The following STK32A variants were observed in gnomAD, a reference collection of about 807,000 sequenced individuals.
The protein encoded by STK32A is serine/threonine kinase 32A, also known as serine/threonine-protein kinase 32A.
A neutral mutation model predicts 53.2 loss-of-function variants in STK32A; 41 were observed. The ratio of observed to expected loss-of-function variants is 0.77; its 90% CI spans 0.60 to 1.00. The LOEUF is 1.00. STK32A is among the 50% of genes least tolerant of loss of function. The pLI is 0.00. For synonymous variants in STK32A, 166 were observed against 162.8 expected (o/e 1.02, Z -0.15); for missense variants, 458 against 485.8 (o/e 0.94, Z 0.54).
At chr5:147,248,289 A>T (rs1561666443) in intron 2 of STK32A, among the ~76,000 whole-genome samples, 1 of 152,116 alleles carries the variant, frequency 6.6e-6, no homozygotes, top group Non-Finnish European at 1.5e-5. Context: ...ATCCCCTCAT[A>T]ATACCCTGGC....
intron 2 of STK32A, among the ~76,000 whole-genome samples, chr5:147,242,868 T>C (rs1164141385): frequency 4.6e-5 from 7 of 152,184 alleles, no homozygotes; most frequent in African/African-American, 1.7e-4. Context: ...TAAATCTGGA[T>C]TGAGCACAAG....
At chr5:147,280,909 T>C (rs1752035231) in intron 4 of STK32A, among the ~76,000 whole-genome samples, 1 of 152,136 alleles carries the variant, frequency 6.6e-6, no homozygotes, top group Non-Finnish European at 1.5e-5. Context: ...TCCACCAGAA[T>C]AGGCACTGGT....
chr5:147,285,779 AAATC>A (rs1269973661), intron 4 of STK32A, among the ~76,000 whole-genome samples: 1 of 152,048 alleles, frequency 6.6e-6, no homozygotes, highest in Non-Finnish European at 1.5e-5. Context: ...AATAAAAAAA[AAATC>A]AAAAAACAGC....
intron 5 of STK32A, among the ~76,000 whole-genome samples, chr5:147,337,487 C>G (rs1755193598): frequency 6.6e-6 from 1 of 152,012 alleles, no homozygotes; most frequent in South Asian, 2.1e-4. Context: ...GGTTGTTTTG[C>G]TTTGTTTTGT....
At chr5:147,360,409 T>C (rs376088374) in intron 7 of STK32A, among the ~76,000 whole-genome samples, 2 of 124,972 alleles carry the variant, frequency 1.6e-5, no homozygotes, top group Admixed American at 1.1e-4. Context: ...CATGATTGTA[T>C]CACTGCAATC....
intron 2 of STK32A, among the ~76,000 whole-genome samples, chr5:147,250,311 A>G (rs1212485592): frequency 6.6e-6 from 1 of 152,148 alleles, no homozygotes; most frequent in Non-Finnish European, 1.5e-5. Flanking sequence ...TCTGGGATGG[A>G]GACAGAAAGA....
intron 2 of STK32A, among the ~76,000 whole-genome samples, chr5:147,270,380 T>G (rs910884760): frequency 2.3e-5 from 3 of 128,186 alleles, no homozygotes; most frequent in Admixed American, 8.4e-5. Context: ...ACTCGACTAA[T>G]GTTTAATTTT....
chr5:147,340,148 A>G (rs1369803224), intron 5 of STK32A, among the ~76,000 whole-genome samples: 2 of 152,134 alleles, frequency 1.3e-5, no homozygotes, highest in African/African-American at 2.4e-5. Flanking sequence ...ATGACCAGAG[A>G]TCACTTTTGT....
Position 147,364,850 on chromosome 5 carries a change from T to C in STK32A, c.660+3236T>C, listed in dbSNP as rs986003784. On this transcript the variant is annotated intron_variant, in intron 8 of 12. Transcript: ENST00000397936. The stretch of plus-strand genomic sequence containing the variant: ...ATCATATTGAAGGTTAGGGATTAAA[T>C]TTAGAAATTTTGGGGGGATACATTC... Among the ~76,000 whole-genome samples the C allele has an allele frequency of 3.9e-5, 6 of 152,340 alleles. No individual in the cohort carries two copies. The South Asian group carries it at 1.2e-3, about 32-fold the overall frequency.
chr5:147,278,270 G>A, intron 3 of STK32A, 91 bp downstream of exon 3: 1 of 1,023,530 alleles, frequency 9.8e-7, no homozygotes, highest in Non-Finnish European at 1.4e-6. Context: ...TGAGTTGCTG[G>A]GACCGCAAGG....
intron 2 of STK32A, among the ~76,000 whole-genome samples, chr5:147,268,417 C>T (rs1222139872): frequency 5.9e-5 from 9 of 152,014 alleles, no homozygotes; most frequent in Non-Finnish European, 1.3e-4. Context: ...TATGGCAGCA[C>T]TGCTTATATC....
At chr5:147,268,485 G>A (rs981627538) in intron 2 of STK32A, among the ~76,000 whole-genome samples, 15 of 152,130 alleles carry the variant, frequency 9.9e-5, no homozygotes, top group South Asian at 4.1e-4. Context: ...TTATCAGAAG[G>A]ATATTGGGGA....
chr5:147,264,596 G>T (rs1016926265), intron 2 of STK32A, among the ~76,000 whole-genome samples: 1 of 152,120 alleles, frequency 6.6e-6, no homozygotes, highest in Non-Finnish European at 1.5e-5. Context: ...TGGAAATACC[G>T]AATATTGATC....
chr5:147,238,462 T>G (rs1307101139), intron 1 of STK32A, among the ~76,000 whole-genome samples: 1 of 152,220 alleles, frequency 6.6e-6, no homozygotes, highest in East Asian at 1.9e-4. Context: ...GTGTCAGTTT[T>G]AGGACTGGAA....
At chr5:147,326,129 T>C (rs1261166159) in intron 5 of STK32A, among the ~76,000 whole-genome samples, 7 of 152,190 alleles carry the variant, frequency 4.6e-5, no homozygotes, top group Non-Finnish European at 8.8e-5. Flanking sequence ...ATTGATACAA[T>C]TTTTCCCCAA....
intron 11 of STK32A, among the ~76,000 whole-genome samples, chr5:147,381,796 C>T (rs1757465028): frequency 6.6e-6 from 1 of 152,048 alleles, no homozygotes; most frequent in African/African-American, 2.4e-5. Context: ...TTTTCTCTCT[C>T]TTCTCCTCCT....
chr5:147,294,335 C>T (rs757536541), intron 4 of STK32A, among the ~76,000 whole-genome samples: 4 of 152,112 alleles, frequency 2.6e-5, no homozygotes, highest in Non-Finnish European at 5.9e-5. Flanking sequence ...GATCTCGGCT[C>T]GCTGCAACCT....
At chr5:147,332,748 G>A (rs1396377393) in intron 5 of STK32A, among the ~76,000 whole-genome samples, 2 of 152,134 alleles carry the variant, frequency 1.3e-5, no homozygotes, top group African/African-American at 4.8e-5. Context: ...AGTAATGAGG[G>A]TATTAGGTTG....
intron 2 of STK32A, among the ~76,000 whole-genome samples, chr5:147,277,736 C>T (rs2151954158): frequency 6.6e-6 from 1 of 152,304 alleles, no homozygotes; most frequent in South Asian, 2.1e-4. Flanking sequence ...TACCTTGCTG[C>T]CTATGTCAAA....
Sources: gnomAD v4.1 joint callset for allele counts (sites outside exome capture counted in the v4.1 genomes callset) on GRCh38, gnomAD v4.1.1 for gene constraint, MANE v1.5 for transcripts, NCBI Gene and HGNC (gene_info 2026-07-23, HGNC 2026-07-21) for gene names.